CADM2: variants seen among roughly 807,000 people sequenced by gnomAD.
CADM2 encodes the protein cell adhesion molecule 2.
A neutral mutation model predicts 49.8 loss-of-function variants in CADM2; 12 were observed. The ratio of observed to expected loss-of-function variants is 0.24; its 90% CI spans 0.15 to 0.39. CADM2 has a LOEUF of 0.39. Among genes scored for constraint, CADM2 ranks in the 10% least tolerant of loss-of-function variants. The pLI is 1.00. For missense variants in CADM2, 378 were observed against 492.3 expected (o/e 0.77, Z 2.20); for synonymous variants, 214 against 175.4 (o/e 1.22, Z -1.74).
chr3:85,537,753 T>TG (rs5850689), intron 1 of CADM2, among the ~76,000 whole-genome samples: 77,015 of 151,274 alleles, frequency 0.51, 22,764 homozygotes, highest in East Asian at 0.85. Flanking sequence ...TGGGATTCTG[T>TG]GGGAAAAAAA....
intron 1 of CADM2, among the ~76,000 whole-genome samples, chr3:85,067,658 C>T (rs2036574104): frequency 6.6e-6 from 1 of 152,120 alleles, no homozygotes; most frequent in Non-Finnish European, 1.5e-5. Context: ...CTTCCTGAAG[C>T]ATGTCGATGG....
At chr3:85,329,164 G>T (rs1010467324) in intron 1 of CADM2, among the ~76,000 whole-genome samples, 1 of 152,146 alleles carries the variant, frequency 6.6e-6, no homozygotes, top group Admixed American at 6.5e-5. Context: ...GCTTTCAGAA[G>T]AAACCAATCC....
chr3:85,536,431 TA>T (rs1278675695), intron 1 of CADM2, among the ~76,000 whole-genome samples: 2 of 151,486 alleles, frequency 1.3e-5, no homozygotes, highest in South Asian at 4.1e-4. Context: ...TTAGCCTTTT[TA>T]AATTTTTGGT....
chr3:85,366,169 T>G (rs2032769578), intron 1 of CADM2, among the ~76,000 whole-genome samples: 1 of 152,186 alleles, frequency 6.6e-6, no homozygotes, highest in Non-Finnish European at 1.5e-5. Flanking sequence ...TGCACAGAAG[T>G]CAAATTAGAG....
intron 1 of CADM2, among the ~76,000 whole-genome samples, chr3:85,415,095 A>G (rs1162392303): frequency 6.6e-6 from 1 of 152,198 alleles, no homozygotes; most frequent in South Asian, 2.1e-4. Context: ...AGACTTTGCT[A>G]TATAAAGTGT....
At chr3:85,649,175 C>T (rs1171112888) in intron 1 of CADM2, among the ~76,000 whole-genome samples, 1 of 152,092 alleles carries the variant, frequency 6.6e-6, no homozygotes, top group East Asian at 1.9e-4. Context: ...TAGAATACTT[C>T]ACAGACTCTT....
chr3:85,685,034 C>T (rs572485105), intron 1 of CADM2, among the ~76,000 whole-genome samples: 3 of 152,096 alleles, frequency 2.0e-5, no homozygotes, highest in Non-Finnish European at 4.4e-5. Context: ...GGGTGGATCA[C>T]GAGGTCAGGA....
At chr3:85,237,363 A>C (rs1488625866) in intron 1 of CADM2, among the ~76,000 whole-genome samples, 3 of 148,676 alleles carry the variant, frequency 2.0e-5, no homozygotes, top group African/African-American at 7.4e-5. Flanking sequence ...AACTCACCTC[A>C]AAAAAAAAAT....
At chr3:85,625,770 C>T (rs4481168) in intron 1 of CADM2, among the ~76,000 whole-genome samples, 2 of 151,860 alleles carry the variant, frequency 1.3e-5, no homozygotes, top group East Asian at 3.9e-4. Flanking sequence ...AATGTAGTTT[C>T]GTACTGTGAT....
chr3:85,353,237 C>T (rs1173096893), intron 1 of CADM2, among the ~76,000 whole-genome samples: 1 of 152,030 alleles, frequency 6.6e-6, no homozygotes, highest in Non-Finnish European at 1.5e-5. Flanking sequence ...ACTCTTATAA[C>T]TTAAGAGAAA....
At chr3:85,634,726 C>T (rs2064409257) in intron 1 of CADM2, among the ~76,000 whole-genome samples, 1 of 151,956 alleles carries the variant, frequency 6.6e-6, no homozygotes, top group Non-Finnish European at 1.5e-5. Context: ...GTACTTGACT[C>T]TTTTATGTGA....
chr3:85,629,352 AG>A (rs2064234935), intron 1 of CADM2, among the ~76,000 whole-genome samples: 1 of 151,916 alleles, frequency 6.6e-6, no homozygotes, highest in Admixed American at 6.6e-5. Context: ...GTCATGCAAT[AG>A]GGATTAAAAC....
At chr3:85,245,702 T>C (rs2042632103) in intron 1 of CADM2, among the ~76,000 whole-genome samples, 1 of 152,120 alleles carries the variant, frequency 6.6e-6, no homozygotes, top group African/African-American at 2.4e-5. Context: ...CTTTCTTATT[T>C]CTACCTTCCC....
intron 8 of CADM2, among the ~76,000 whole-genome samples, chr3:86,041,862 A>T (rs1735987293): frequency 6.6e-6 from 1 of 152,112 alleles, no homozygotes; most frequent in Non-Finnish European, 1.5e-5. Flanking sequence ...TAAAAGAACA[A>T]ATTATAACAA....
chr3:85,608,942 C>G (rs2063606509), intron 1 of CADM2, among the ~76,000 whole-genome samples: 2 of 152,026 alleles, frequency 1.3e-5, no homozygotes, highest in Non-Finnish European at 2.9e-5. Context: ...AGATTCAAGT[C>G]AAATCAAGTC....
At chr3:85,295,250 C>G (rs1157484897) in intron 1 of CADM2, among the ~76,000 whole-genome samples, 1 of 152,038 alleles carries the variant, frequency 6.6e-6, no homozygotes. Context: ...GATACCATCT[C>G]ACACCAGTTA....
chr3:85,039,772 C>A (rs2035365823), intron 1 of CADM2, among the ~76,000 whole-genome samples: 1 of 152,102 alleles, frequency 6.6e-6, no homozygotes, highest in Non-Finnish European at 1.5e-5. Context: ...AATCATGCAC[C>A]TTGTCCTCCA....
intron 1 of CADM2, among the ~76,000 whole-genome samples, chr3:85,529,381 T>C (rs2061243982): frequency 6.6e-6 from 1 of 152,190 alleles, no homozygotes; most frequent in Non-Finnish European, 1.5e-5. Context: ...TTTGGATACA[T>C]GCATTTTGAG....
chr3:85,797,398 C>T (rs1420433595), intron 2 of CADM2, among the ~76,000 whole-genome samples: 1 of 152,032 alleles, frequency 6.6e-6, no homozygotes, highest in Non-Finnish European at 1.5e-5. Flanking sequence ...AAATGCTATC[C>T]CTCCCCTTAC....
Sources: gnomAD v4.1 joint callset for allele counts (sites outside exome capture counted in the v4.1 genomes callset) on GRCh38, gnomAD v4.1.1 for gene constraint, MANE v1.5 for transcripts, NCBI Gene and HGNC (gene_info 2026-07-23, HGNC 2026-07-21) for gene names.